Variants in PRSS57 observed in about 807,000 individuals in gnomAD.
The protein encoded by PRSS57 is neutrophil serine protease 4.
Under a neutral mutation model 20.6 loss-of-function variants are expected in PRSS57, and 19 were observed. The observed-to-expected ratio is 0.92, with a 90% CI of 0.64 to 1.35. The LOEUF is 1.35. Among genes scored for constraint, PRSS57 ranks in the 40% most tolerant of loss-of-function variants. The pLI is 0.00. For missense variants in PRSS57, 440 were observed against 403.7 expected (o/e 1.09, Z -0.77); for synonymous variants, 203 against 176.6 (o/e 1.15, Z -1.19).
rs780681006 is a variant in PRSS57, at chr19:686,938, C to T, written c.629G>A (p.Arg210Gln). Reference protein sequence around the residue: ...LCTRSGDSHRRGFCSADSGGP... With the variant: ...LCTRSGDSHRQGFCSADSGGP... ...AGGGGATCTTACCGAGCAGAAGCCCCGTCTGTGGCTGTCCCCACTGCGGGT... is the reference window on the plus strand; with the variant it reads ...AGGGGATCTTACCGAGCAGAAGCCCTGTCTGTGGCTGTCCCCACTGCGGGT... The change falls in exon 4 of 5, where the codon CGG becomes CAG. Residue 210 changes from arginine (R) to glutamine (Q), a missense_variant. By Grantham distance (43) the Arg-to-Gln change is conservative. Coordinates refer to ENST00000329267, the MANE Select transcript of PRSS57 (RefSeq NM_001308209.2). The T allele has an allele frequency of 1.2e-5, 19 of 1,613,492 alleles. No homozygotes were observed. The highest frequency in any genetic ancestry group is 2.7e-5 in the African/African-American group (2 of 74,916).
Position 685,903 on chromosome 19 carries a change from AG to A in PRSS57, c.661del (p.Leu221TrpfsTer115). 6.5e-7 allele frequency: 1 copy of A among 1,546,700 alleles called. No homozygotes were observed. ...GFCSADSGGP[L>X]VCRNRAHGLV... ...GCCGTGAGCCCGGTTCCTGCACACCAGGGGCCCTCCGGAGTCGGCCTGGAGT... is the reference window on the plus strand; with the variant it reads ...GCCGTGAGCCCGGTTCCTGCACACCAGGGCCCTCCGGAGTCGGCCTGGAGT... On this transcript the variant is annotated frameshift_variant, in exon 5 of 5. Coordinates refer to ENST00000329267, the MANE Select transcript of PRSS57 (RefSeq NM_001308209.2). LOFTEE classifies it low-confidence loss of function (END_TRUNC).
Position 686,978 on chromosome 19 carries a change from G to A in PRSS57, c.589C>T (p.Leu197Phe). ...CNSSWKGHLT[L>F]TMLCTRSGDS... ...CCACTGCGGGTGCAGAGCATGGTAAGTGTCAGGTGGCCCTTCCAGGAGCTG... is the reference window on the plus strand; with the variant it reads ...CCACTGCGGGTGCAGAGCATGGTAAATGTCAGGTGGCCCTTCCAGGAGCTG... The change falls in exon 4 of 5, where the codon CTT becomes TTT. Residue 197 changes from leucine to phenylalanine, a missense_variant. By Grantham distance (22) the Leu-to-Phe change is conservative (BLOSUM62 0). Coordinates refer to ENST00000329267, the MANE Select transcript of PRSS57 (RefSeq NM_001308209.2). 2 of 1,614,148 alleles carry A rather than the reference G, an allele frequency of 1.2e-6. No homozygotes were observed. The highest frequency in any genetic ancestry group is 1.7e-6 in the Non-Finnish European group (2 of 1,180,042).
In PRSS57 at chr19:685,790, C is replaced by T; in HGVS notation, c.775G>A (p.Asp259Asn). The T allele has an allele frequency of 6.4e-7, 1 of 1,567,388 alleles. No individual in the cohort carries two copies. Among genetic ancestry groups the T allele is most frequent in the Non-Finnish European group, 8.7e-7 (1 of 1,155,314 alleles). Residue 259 changes from aspartate to asparagine, a missense_variant, in exon 5 of 5, where the codon GAC becomes AAC. Transcript: ENST00000329267. ...TGGGGACTGCTCCGCCGAACCACGT[C>T]CCAGATCCAGGCCACAAAGGCGGAC... ...QVSAFVAWIW[D>N]VVRRSSPQPG...
At position 695,333 on chromosome 19, in the gene PRSS57, A is replaced by C; in HGVS notation, c.79+19T>G. ...GGACTTGGCGGGGGCCTGGGTGGGG[A>C]TCCCGGGGGGCTCCTCACCGGGGGG... is the stretch of plus-strand genomic sequence containing the variant. On this transcript the variant is annotated intron_variant, in intron 1 of 4. Transcript: ENST00000329267. The C allele has an allele frequency of 1.5e-5, 18 of 1,209,384 alleles. No individual in the cohort carries two copies. The highest frequency in any genetic ancestry group is 1.7e-5 in the Non-Finnish European group (16 of 956,080). 74.9% of individuals were successfully genotyped at this position (1,209,384 alleles called of 1,614,324 possible).
intron 1 of PRSS57, 32 bp downstream of exon 1, chr19:695,320 G>C (rs1381752478): frequency 4.5e-6 from 5 of 1,117,078 alleles, no homozygotes; most frequent in Non-Finnish European, 5.7e-6. Context: ...ACTTGGCGGG[G>C]GCCTGGGTGG....
chr19:693,844 A>G (rs2031717081), intron 2 of PRSS57, among the ~76,000 whole-genome samples: 1 of 151,946 alleles, frequency 6.6e-6, no homozygotes, highest in South Asian at 2.1e-4. Context: ...GGTTCACGCC[A>G]TTCTCCTGCC....
intron 3 of PRSS57, among the ~76,000 whole-genome samples, chr19:688,584 G>C (rs1163565876): frequency 2.1e-5 from 3 of 144,876 alleles, no homozygotes; most frequent in Non-Finnish European, 4.5e-5. Context: ...TTCCCACCCG[G>C]AGGACTCCAC....
chr19:690,566 C>A (rs374247079), intron 3 of PRSS57: 5 of 259,646 alleles, frequency 1.9e-5, no homozygotes, highest in African/African-American at 1.1e-4. Context: ...CTTCTCCCTG[C>A]CCATCAAGGA....
intron 3 of PRSS57, chr19:690,762 T>G (rs10402839): frequency 0.3 from 105,312 of 349,866 alleles, 17,901 homozygotes; most frequent in African/African-American, 0.54. Context: ...ACTGCCATCA[T>G]CGGGGCCGTC....
intron 2 of PRSS57, among the ~76,000 whole-genome samples, chr19:694,005 G>T (rs8109674): frequency 0.023 from 3,475 of 152,188 alleles, 150 homozygotes; most frequent in African/African-American, 0.08. Flanking sequence ...CTCCCAAAGT[G>T]CTGGGATTAC....
At position 694,983 on chromosome 19, in the gene PRSS57, C is replaced by T. The variant is rs766942654; in HGVS notation, c.80-16G>A. On this transcript the variant is annotated splice_polypyrimidine_tract_variant and intron_variant, in intron 1 of 4. Transcript: ENST00000329267. ...CCCCAGGAGCCTGCTGGAGGGACGG[C>T]CTGAGTCAGGGACGAGGCGGGAGGA... 8 of 1,516,226 alleles carry T rather than the reference C, an allele frequency of 5.3e-6. No homozygotes were observed. The highest frequency in any genetic ancestry group is 1.9e-4 in the Middle Eastern group (1 of 5,304). 93.9% of individuals were successfully genotyped at this position (1,516,226 alleles called of 1,614,324 possible). A position where few individuals can be genotyped will look rare whatever the true frequency, so the allele number is the denominator to read the frequency against.
chr19:691,437 G>A lies in PRSS57; in HGVS notation c.378+421C>T, dbSNP rs541180629. On this transcript the variant is annotated intron_variant, in intron 3 of 4. Coordinates refer to ENST00000329267, the MANE Select transcript of PRSS57 (RefSeq NM_001308209.2). ...GGAGAATCACTTGAGCCTGGGAGGC[G>A]GAGGTTACAGTGAGCCGAGATGGCG... Among the ~76,000 whole-genome samples, 21 of 150,226 alleles carry A rather than the reference G, an allele frequency of 1.4e-4. 1 individual carries two copies. In the East Asian group the frequency reaches 3.4e-3, roughly 24 times the overall value.
intron 4 of PRSS57, 28 bp downstream of exon 4, chr19:686,897 A>G (rs1409671035): frequency 6.2e-7 from 1 of 1,602,292 alleles, no homozygotes; most frequent in Non-Finnish European, 8.5e-7. Context: ...CCACACAGTA[A>G]GTGGGTGGAG....
intron 4 of PRSS57, 116 bp from the exon 5 acceptor site, chr19:686,038 A>T: frequency 1.1e-6 from 1 of 950,138 alleles, no homozygotes; most frequent in Non-Finnish European, 1.5e-6. Flanking sequence ...CCAAGGAAAA[A>T]GTAAATTCAT....
At chr19:691,647 C>T (rs2031650286) in intron 3 of PRSS57, among the ~76,000 whole-genome samples, 1 of 151,704 alleles carries the variant, frequency 6.6e-6, no homozygotes, top group African/African-American at 2.4e-5. Context: ...TGGTGAAACC[C>T]CGTCTCTACT....
chr19:686,597 G>A (rs367642958), intron 4 of PRSS57, among the ~76,000 whole-genome samples: 13 of 152,246 alleles, frequency 8.5e-5, no homozygotes, highest in African/African-American at 3.1e-4. Flanking sequence ...TCCAGGGCCA[G>A]TGTCTCCCTT....
chr19:692,387 C>T (rs1165984176), intron 2 of PRSS57, among the ~76,000 whole-genome samples: 1 of 147,310 alleles, frequency 6.8e-6, no homozygotes, highest in South Asian at 2.2e-4. Context: ...AAAAAAAAAA[C>T]AATTACTTTT....
intron 4 of PRSS57, among the ~76,000 whole-genome samples, chr19:686,440 T>C (rs2031475520): frequency 6.6e-6 from 1 of 151,952 alleles, no homozygotes; most frequent in African/African-American, 2.4e-5. Context: ...GTTTTACAGA[T>C]GGAGAAAAAG....
intron 3 of PRSS57, chr19:691,152 G>C: frequency 4.8e-6 from 1 of 208,326 alleles, no homozygotes; most frequent in Non-Finnish European, 1.0e-5. Context: ...CAGACGCCCG[G>C]CTCCAGCTGT....
Sources: allele counts gnomAD v4.1 joint callset (sites outside exome capture counted in the v4.1 genomes callset), GRCh38; gene constraint gnomAD v4.1.1; transcripts MANE v1.5; gene names NCBI Gene and HGNC (gene_info 2026-07-23, HGNC 2026-07-21).